Variants in ITGA11 observed in about 807,000 individuals in gnomAD.
The protein encoded by ITGA11 is integrin subunit alpha 11, also known as integrin alpha-11.
Under a neutral mutation model 141.9 loss-of-function variants are expected in ITGA11, and 97 were observed. That is an observed-to-expected ratio of 0.68 (90% CI 0.58 to 0.81). The LOEUF (loss-of-function observed/expected upper bound fraction) is 0.81. Among genes scored for constraint, ITGA11 ranks in the 30% least tolerant of loss-of-function variants. ITGA11 has a pLI of 0.00. For synonymous variants in ITGA11, 658 were observed against 624.6 expected (o/e 1.05, Z -0.80); for missense variants, 1,387 against 1,559.2 (o/e 0.89, Z 1.86).
intron 10 of ITGA11, among the ~76,000 whole-genome samples, chr15:68,340,485 G>T (rs1595867269): frequency 1.3e-5 from 2 of 152,280 alleles, no homozygotes; most frequent in African/African-American, 4.8e-5. Flanking sequence ...TGATGGGGCT[G>T]GAGCACCAAG....
At chr15:68,414,113 G>A (rs1896836183) in intron 1 of ITGA11, among the ~76,000 whole-genome samples, 1 of 152,194 alleles carries the variant, frequency 6.6e-6, no homozygotes, top group Admixed American at 6.5e-5. Context: ...TAGCCCCAGA[G>A]CTGGACTATG....
chr15:68,378,838 G>A (rs905818582), intron 2 of ITGA11, among the ~76,000 whole-genome samples: 3 of 152,106 alleles, frequency 2.0e-5, no homozygotes, highest in Admixed American at 6.5e-5. Flanking sequence ...CATCACAAAC[G>A]TCAACTTCAT....
intron 1 of ITGA11, among the ~76,000 whole-genome samples, chr15:68,403,926 C>G (rs1364384017): frequency 6.6e-6 from 1 of 152,112 alleles, no homozygotes; most frequent in African/African-American, 2.4e-5. Context: ...AATACAGACC[C>G]TGTACATGGA....
At chr15:68,429,819 T>A (rs1277169988) in intron 1 of ITGA11, among the ~76,000 whole-genome samples, 2 of 152,178 alleles carry the variant, frequency 1.3e-5, no homozygotes, top group African/African-American at 2.4e-5. Flanking sequence ...ATATGAACAT[T>A]CCCACTTTCA....
At chr15:68,337,245 A>G (rs1473221881) in intron 11 of ITGA11, among the ~76,000 whole-genome samples, 1 of 152,176 alleles carries the variant, frequency 6.6e-6, no homozygotes, top group Non-Finnish European at 1.5e-5. Flanking sequence ...CCTGCCTTCC[A>G]GCTGTCTGTG....
In ITGA11 at chr15:68,325,275, G is replaced by A. The variant is rs754711138; in HGVS notation, c.2212-34C>T. The A allele has an allele frequency of 4.3e-6, 6 of 1,402,156 alleles. No individual in the cohort carries two copies. Among genetic ancestry groups the A allele is most frequent in the Non-Finnish European group, 5.1e-6 (5 of 986,942 alleles). The allele number at this position is 1,402,156 out of a possible 1,614,324, so 86.9% of individuals were successfully genotyped here. On this transcript the variant is annotated intron_variant, in intron 17 of 29. Coordinates refer to ENST00000315757, the MANE Select transcript of ITGA11 (RefSeq NM_001004439.2). This position sits in a 1 kb window ranked among gnomAD's most constrained non-coding sequence, Gnocchi z 5.5. Reference sequence around the variant, plus strand: ...TGGAGATGAGGGCAGCGGTGAGGGAGGAGAGAACGTCATTTTATGAGCCAG... The same window carrying A: ...TGGAGATGAGGGCAGCGGTGAGGGAAGAGAGAACGTCATTTTATGAGCCAG...
rs1370207385 is a variant in ITGA11, at chr15:68,333,497, G to T, written c.1426-1019C>A. Among the ~76,000 whole-genome samples the T allele has an allele frequency of 6.6e-6, 1 of 152,054 alleles. No individual in the cohort carries two copies. The highest frequency in any genetic ancestry group is 1.5e-5 in the Non-Finnish European group (1 of 68,006). On this transcript the variant is annotated intron_variant, in intron 12 of 29. Transcript: ENST00000315757. This position sits in a 1 kb window ranked among gnomAD's most constrained non-coding sequence, Gnocchi z 4.2. ...CTTGCTGTGTTCCCCTTCTGTTTGG[G>T]GTACAGTGCTCCCCACTTCAGTGAG...
At chr15:68,386,388 C>T (rs1276313670) in intron 2 of ITGA11, among the ~76,000 whole-genome samples, 3 of 152,194 alleles carry the variant, frequency 2.0e-5, no homozygotes, top group Non-Finnish European at 2.9e-5. Flanking sequence ...CCCAATTCCA[C>T]AGCCCTTTCC....
At position 68,328,628 on chromosome 15, in the gene ITGA11, A is replaced by T. The variant is rs1207468922; in HGVS notation, c.1902-366T>A. Among the ~76,000 whole-genome samples, 1 of 152,200 alleles carries T rather than the reference A, an allele frequency of 6.6e-6. No homozygotes were observed. Among genetic ancestry groups the T allele is most frequent in the Non-Finnish European group, 1.5e-5 (1 of 68,038 alleles). ...TGTGAGTCATCTGAAGAGCTTAAAA[A>T]AATCCTGGTGCCTCAGCTACACCCT... is the stretch of plus-strand genomic sequence containing the variant. On this transcript the variant is annotated intron_variant, in intron 15 of 29. Coordinates refer to ENST00000315757, the MANE Select transcript of ITGA11 (RefSeq NM_001004439.2). This position sits in a 1 kb window ranked among gnomAD's most constrained non-coding sequence, Gnocchi z 4.8.
At chr15:68,405,432 G>A (rs191007379) in intron 1 of ITGA11, among the ~76,000 whole-genome samples, 86 of 152,178 alleles carry the variant, frequency 5.7e-4, no homozygotes, top group African/African-American at 1.9e-3. Flanking sequence ...GTGGCAGCAC[G>A]TGACTATGTA....
chr15:68,330,066 G>A (rs1217225203), intron 15 of ITGA11, among the ~76,000 whole-genome samples: 4 of 152,212 alleles, frequency 2.6e-5, no homozygotes, highest in African/African-American at 7.2e-5. Flanking sequence ...AGGCTGGCTC[G>A]CTCGGCATCG....
In ITGA11 at chr15:68,308,991, G is replaced by A. The variant is rs1287796967; in HGVS notation, c.3175-1295C>T. Among the ~76,000 whole-genome samples the A allele has an allele frequency of 6.6e-6, 1 of 152,332 alleles. No individual in the cohort carries two copies. Among genetic ancestry groups the A allele is most frequent in the Admixed American group, 6.5e-5 (1 of 15,300 alleles). On this transcript the variant is annotated intron_variant, in intron 26 of 29. Coordinates refer to ENST00000315757, the MANE Select transcript of ITGA11 (RefSeq NM_001004439.2). The surrounding 1 kb of genome is among the most constrained non-coding windows in gnomAD (Gnocchi z 5.2). The stretch of plus-strand genomic sequence containing the variant: ...AAGTTGAGCAAAATTTCCGCTTGAC[G>A]GGTGCCCAATCTGTTGCACCCAGAT...
intron 1 of ITGA11, among the ~76,000 whole-genome samples, chr15:68,428,908 G>T (rs1036623000): frequency 6.6e-5 from 10 of 152,092 alleles, no homozygotes; most frequent in Non-Finnish European, 1.3e-4. Context: ...CAAGAGTTTG[G>T]GCCAGGGCTT....
At chr15:68,330,928 T>A in intron 15 of ITGA11, 53 bp downstream of exon 15, 1 of 1,607,390 alleles carries the variant, frequency 6.2e-7, no homozygotes, top group Non-Finnish European at 8.5e-7. Flanking sequence ...AACCCCTGGA[T>A]TCATTGTGAC....
chr15:68,310,296 G>A (rs1016632692), intron 26 of ITGA11, among the ~76,000 whole-genome samples: 1 of 152,190 alleles, frequency 6.6e-6, no homozygotes, highest in East Asian at 1.9e-4. Context: ...AGTTACTAGT[G>A]TTGCTGCCGT....
intron 5 of ITGA11, among the ~76,000 whole-genome samples, chr15:68,358,884 G>A (rs940753942): frequency 1.3e-5 from 2 of 152,232 alleles, no homozygotes; most frequent in Non-Finnish European, 2.9e-5. Flanking sequence ...GAGGCAGCCA[G>A]CACTGCTCAA....
intron 2 of ITGA11, among the ~76,000 whole-genome samples, chr15:68,370,296 C>T (rs561429518): frequency 1.7e-4 from 26 of 152,340 alleles, no homozygotes; most frequent in African/African-American, 5.5e-4. Context: ...CTTCCTGGCC[C>T]GGCCAAGCCC....
intron 16 of ITGA11, among the ~76,000 whole-genome samples, chr15:68,327,847 T>A (rs77934696): frequency 9.8e-5 from 15 of 152,320 alleles, no homozygotes; most frequent in Non-Finnish European, 1.9e-4. Context: ...ACGCCCAGAC[T>A]GTTTCCTTCT....
intron 24 of ITGA11, among the ~76,000 whole-genome samples, chr15:68,311,967 G>T (rs913581737): frequency 6.6e-6 from 1 of 152,108 alleles, no homozygotes; most frequent in Non-Finnish European, 1.5e-5. Context: ...TGTGACCCTG[G>T]GCAGCTTACT....
Sources: gnomAD v4.1 joint callset for allele counts (sites outside exome capture counted in the v4.1 genomes callset) on GRCh38, gnomAD v4.1.1 for gene constraint, Gnocchi (gnomAD v3.1) non-coding constraint, MANE v1.5 for transcripts, NCBI Gene and HGNC (gene_info 2026-07-23, HGNC 2026-07-21) for gene names.